The following MYT1 variants were observed in gnomAD, a reference collection of about 807,000 sequenced individuals.
MYT1 encodes myelin transcription factor 1, also known as myelin transcription factor I.
Under a neutral mutation model 123.0 loss-of-function variants are expected in MYT1, and 23 were observed. The observed-to-expected ratio is 0.19, with a 90% confidence interval of 0.13 to 0.26. The LOEUF (loss-of-function observed/expected upper bound fraction) is 0.26, where lower values mean the gene tolerates loss of function less well. Ranked by LOEUF, MYT1 falls within the 10% of genes least tolerant of loss-of-function variation. MYT1 has a pLI of 1.00. For missense variants in MYT1, 1,125 were observed against 1,472.5 expected, an observed-to-expected ratio of 0.76 and a Z score of 3.86; for synonymous variants, 518 against 575.3, an observed-to-expected ratio of 0.90 and a Z score of 1.43.
Position 64,193,521 on chromosome 20 carries a change from C to G in MYT1, c.-1+3361C>G, listed in dbSNP as rs1400516996. 6.6e-6 allele frequency among the ~76,000 whole-genome samples: 1 copy of G among 152,142 alleles called. No individual in the cohort carries two copies. Among genetic ancestry groups the G allele is most frequent in the African/African-American group, 2.4e-5 (1 of 41,424 alleles). On this transcript the variant is annotated intron_variant, in intron 2 of 22. Coordinates refer to ENST00000328439, the MANE Select transcript of MYT1 (RefSeq NM_004535.3). The surrounding 1 kb of genome is among the most constrained non-coding windows in gnomAD (Gnocchi z 4.0). ...AGGGAAGTTGATGCTGCCCTCAGTA[C>G]ATAAATGAGAGAAGAAAACAGGCCA... is the stretch of plus-strand genomic sequence containing the variant.
chr20:64,237,229 CT>C, intron 20 of MYT1, 57 bp from the exon 21 acceptor site: 1 of 1,473,078 alleles, frequency 6.8e-7, no homozygotes, highest in Non-Finnish European at 9.4e-7. Flanking sequence ...CCCCACAGCA[CT>C]TTGGCCCAGG....
chr20:64,170,914 GA>G (rs1982253660), intron 1 of MYT1, among the ~76,000 whole-genome samples: 1 of 133,242 alleles, frequency 7.5e-6, no homozygotes, highest in Non-Finnish European at 1.6e-5. Context: ...GAGAGAGAGA[GA>G]GAGAGAGAGA....
rs1601715263 is a variant in MYT1 at position 64,211,449 on chromosome 20, C to T, written c.1426+109C>T. ...TGGCCTGCCCAGGGCCATAACCTTC[C>T]CCTTTGGTTTGTCCAGATGCTCATC... is the stretch of plus-strand genomic sequence containing the variant. On this transcript the variant is annotated intron_variant, in intron 8 of 22. Coordinates refer to ENST00000328439, the MANE Select transcript of MYT1 (RefSeq NM_004535.3). The T allele has an allele frequency of 4.2e-6, 5 of 1,197,256 alleles. No individual in the cohort carries two copies. The African/African-American group carries it at 4.6e-5, about 11-fold the overall frequency. 74.2% of individuals were successfully genotyped at this position (1,197,256 alleles called of 1,614,324 possible).
At chr20:64,172,794 C>G (rs573826200) in intron 1 of MYT1, among the ~76,000 whole-genome samples, 39 of 135,726 alleles carry the variant, frequency 2.9e-4, no homozygotes, top group African/African-American at 9.7e-4. Flanking sequence ...GTTGCCCAGG[C>G]TGGAGTGCAG....
At chr20:64,239,408 T>C (rs1441183573) in intron 21 of MYT1, among the ~76,000 whole-genome samples, 1 of 151,990 alleles carries the variant, frequency 6.6e-6, no homozygotes, top group Non-Finnish European at 1.5e-5. Flanking sequence ...AAGTCTGTGC[T>C]CCCACCCCAT....
At chr20:64,239,038 G>A (rs994601112) in intron 21 of MYT1, among the ~76,000 whole-genome samples, 11 of 152,318 alleles carry the variant, frequency 7.2e-5, no homozygotes, top group Non-Finnish European at 7.3e-5. Context: ...CTCCTGCCTC[G>A]TGTGTCACCC....
rs1225744924 is a variant in MYT1 at position 64,167,929 on chromosome 20, G to T, written c.-99+3190G>T. 6.6e-6 allele frequency among the ~76,000 whole-genome samples: 1 copy of T among 152,236 alleles called. No homozygotes were observed. Among genetic ancestry groups the T allele is most frequent in the Non-Finnish European group, 1.5e-5 (1 of 68,040 alleles). Reference sequence around the variant, plus strand: ...CGAGAAACGCCGTGTTTCCCAGAAGGGAAGAGAGCAGTGGCTGCCGTGCTG... The same window carrying T: ...CGAGAAACGCCGTGTTTCCCAGAAGTGAAGAGAGCAGTGGCTGCCGTGCTG... On this transcript the variant is annotated intron_variant, in intron 1 of 22. Transcript: ENST00000328439. The surrounding 1 kb of genome is among the most constrained non-coding windows in gnomAD (Gnocchi z 6.3).
chr20:64,177,906 G>A (rs1010465782), intron 1 of MYT1, among the ~76,000 whole-genome samples: 2 of 152,176 alleles, frequency 1.3e-5, no homozygotes, highest in African/African-American at 2.4e-5. Context: ...ATGCCCCCAG[G>A]AACAAAGCCA....
chr20:64,190,401 C>T lies in MYT1; in HGVS notation c.-1+241C>T, dbSNP rs545868203. Among the ~76,000 whole-genome samples, 2 of 152,270 alleles carry T rather than the reference C, an allele frequency of 1.3e-5. No homozygotes were observed. Among genetic ancestry groups the T allele is most frequent in the Admixed American group, 6.5e-5 (1 of 15,298 alleles). The stretch of plus-strand genomic sequence containing the variant: ...CTAAAATGTGACCCCAGGCTGGGCC[C>T]GGTGGCTCACACCTGTAATCCCAGC... On this transcript the variant is annotated intron_variant, in intron 2 of 22. Coordinates refer to ENST00000328439, the MANE Select transcript of MYT1 (RefSeq NM_004535.3). This position sits in a 1 kb window ranked among gnomAD's most constrained non-coding sequence, Gnocchi z 4.1.
intron 4 of MYT1, among the ~76,000 whole-genome samples, chr20:64,201,757 C>T (rs1983309314): frequency 6.6e-6 from 1 of 152,224 alleles, no homozygotes; most frequent in African/African-American, 2.4e-5. Flanking sequence ...CTGGTGGGGG[C>T]CACACCGTGG....
intron 1 of MYT1, among the ~76,000 whole-genome samples, chr20:64,173,727 A>G (rs76780904): frequency 0.23 from 4,228 of 18,298 alleles, 29 homozygotes; most frequent in South Asian, 0.33. Flanking sequence ...CCCCTCCCTG[A>G]CTTCTCCTCC....
At chr20:64,227,533 C>G in intron 17 of MYT1, 56 bp downstream of exon 17, 1 of 1,498,370 alleles carries the variant, frequency 6.7e-7, no homozygotes, top group Non-Finnish European at 9.2e-7. Flanking sequence ...GGAGTCTCTT[C>G]CTTATATGAA....
Position 64,218,913 on chromosome 20 carries a change from T to C in MYT1, c.1849T>C (p.Phe617Leu). 6.2e-7 allele frequency: 1 copy of C among 1,613,594 alleles called. No individual in the cohort carries two copies. Among genetic ancestry groups the C allele is most frequent in the Non-Finnish European group, 8.5e-7 (1 of 1,180,038 alleles). ...GAGCACTTCATCCTCTTCTGCAGGC[T>C]TTGACTACTCGCAGGACGCCGAGGC... Reference protein sequence around the residue: ...SETSPKAFQCFDYSQDAEAAH... With the variant: ...SETSPKAFQCLDYSQDAEAAH... The change falls in exon 12 of 23, where the codon TTT becomes CTT. Residue 617 changes from phenylalanine (F) to leucine (L), a missense_variant and splice_region_variant. By Grantham distance (22) the Phe-to-Leu change is conservative. Transcript: ENST00000328439. This position sits in a 1 kb window ranked among gnomAD's most constrained non-coding sequence, Gnocchi z 4.0.
Position 64,202,514 on chromosome 20 carries a change from C to T in MYT1, c.87-2521C>T, listed in dbSNP as rs1219920073. Among the ~76,000 whole-genome samples, 1 of 152,152 alleles carries T rather than the reference C, an allele frequency of 6.6e-6. No homozygotes were observed. Among genetic ancestry groups the T allele is most frequent in the East Asian group, 1.9e-4 (1 of 5,178 alleles). On this transcript the variant is annotated intron_variant, in intron 4 of 22. Transcript: ENST00000328439. The surrounding 1 kb of genome is among the most constrained non-coding windows in gnomAD (Gnocchi z 5.0). ...CATCTCCAAGTTCAGAGAGAGAACA[C>T]GTCTGTAGCTCACCCTTCTTCTTCT...
rs893374792 is a variant in MYT1 at position 64,203,048 on chromosome 20, T to TG, written c.87-1983dup. On this transcript the variant is annotated intron_variant, in intron 4 of 22. Transcript: ENST00000328439. The surrounding 1 kb of genome is among the most constrained non-coding windows in gnomAD (Gnocchi z 5.1). ...GCTGGGTCTCTTGTCCACTCGGCTG[T>TG]GGGGTGGGGAGCAGGCATCTAAGGG... 6.6e-6 allele frequency among the ~76,000 whole-genome samples: 1 copy of TG among 152,174 alleles called. No individual in the cohort carries two copies. Among genetic ancestry groups the TG allele is most frequent in the African/African-American group, 2.4e-5 (1 of 41,452 alleles).
At chr20:64,219,115 C>G in intron 12 of MYT1, 80 bp downstream of exon 12, 1 of 1,486,164 alleles carries the variant, frequency 6.7e-7, no homozygotes, top group Non-Finnish European at 9.1e-7. Flanking sequence ...GCTCTCTGCA[C>G]AAAATGTCCC....
chr20:64,176,644 G>C (rs1982464498), intron 1 of MYT1, among the ~76,000 whole-genome samples: 1 of 152,266 alleles, frequency 6.6e-6, no homozygotes, highest in Non-Finnish European at 1.5e-5. Flanking sequence ...TCTCGCCCCA[G>C]AAGGAAAAGC....
rs1208415035 is a variant in MYT1, at chr20:64,191,954, G to T, written c.-1+1794G>T. The T allele has an allele frequency of 6.6e-6, 1 of 152,186 alleles. No homozygotes were observed. Among genetic ancestry groups the T allele is most frequent in the African/African-American group, 2.4e-5 (1 of 41,434 alleles). 9.4% of individuals were successfully genotyped at this position (152,186 alleles called of 1,614,324 possible). ...TGAGGATTCACATAGCGCTGTACTG[G>T]CATGAGATCATGTGAGCATGAACGT... On this transcript the variant is annotated intron_variant, in intron 2 of 22. Transcript: ENST00000328439. The surrounding 1 kb of genome is among the most constrained non-coding windows in gnomAD (Gnocchi z 4.1).
rs1449277040 is a variant in MYT1, at chr20:64,240,953, A to G, written c.*505A>G. 1 of 155,572 alleles carries G rather than the reference A, an allele frequency of 6.4e-6. No homozygotes were observed. The highest frequency in any genetic ancestry group is 2.4e-5 in the African/African-American group (1 of 41,496). The allele number at this position is 155,572 out of a possible 1,614,324, so 9.6% of individuals were successfully genotyped here. A position where few individuals can be genotyped will look rare whatever the true frequency, so the allele number is the denominator to read the frequency against. On this transcript the variant is annotated 3_prime_UTR_variant, in exon 23 of 23. Transcript: ENST00000328439. The stretch of plus-strand genomic sequence containing the variant: ...TTTCATTTAATTCAGTTTTGTGTTA[A>G]GGGTGGAACAAAGCTCTGTTCTAGA...
Sources: gnomAD v4.1 joint callset for allele counts (sites outside exome capture counted in the v4.1 genomes callset) on GRCh38, gnomAD v4.1.1 for gene constraint, Gnocchi (gnomAD v3.1) non-coding constraint, MANE v1.5 for transcripts, NCBI Gene and HGNC (gene_info 2026-07-23, HGNC 2026-07-21) for gene names.